The following SLC1A1 variants were observed in gnomAD, a reference collection of about 807,000 sequenced individuals.
SLC1A1 encodes excitatory amino acid transporter 3.
A neutral mutation model predicts 53.3 loss-of-function variants in SLC1A1; 43 were observed. The ratio of observed to expected loss-of-function variants is 0.81; its 90% confidence interval spans 0.63 to 1.04. The LOEUF (loss-of-function observed/expected upper bound fraction) is 1.04, where lower values mean the gene tolerates loss of function less well. SLC1A1 is among the 50% of genes least tolerant of loss of function. The pLI, the probability that SLC1A1 is intolerant of heterozygous loss-of-function variation, is 0.00. For missense variants in SLC1A1, 748 were observed against 664.9 expected, an observed-to-expected ratio of 1.12 and a Z score of -1.37; for synonymous variants, 307 against 243.2, an observed-to-expected ratio of 1.26 and a Z score of -2.44.
rs191020607 is a variant in SLC1A1 at position 4,509,343 on chromosome 9, G to A, written c.91+18573G>A. Among the ~76,000 whole-genome samples, 5 of 152,170 alleles carry A rather than the reference G, an allele frequency of 3.3e-5. No individual in the cohort carries two copies. The East Asian group carries it at 9.7e-4, about 29-fold the overall frequency. On this transcript the variant is annotated intron_variant, in intron 1 of 11. Transcript: ENST00000262352. ...TTCACTGAGCAGAATTGAATCAAGG[G>A]ACTATTTATAGAGTTCAGCAGGGTA...
intron 2 of SLC1A1, among the ~76,000 whole-genome samples, chr9:4,552,064 T>C (rs1817973756): frequency 6.6e-6 from 1 of 152,238 alleles, no homozygotes; most frequent in South Asian, 2.1e-4. Flanking sequence ...TCTTTCTGAC[T>C]AAACAGGTAT....
At position 4,580,651 on chromosome 9, in the gene SLC1A1, G is replaced by GTGTGTGTGTGTGTA. The variant is rs370378540; in HGVS notation, c.1194-2386_1194-2385insGTGTGTGTGTGTAT. 6.6e-3 allele frequency among the ~76,000 whole-genome samples: 782 copies of GTGTGTGTGTGTGTA among 118,778 alleles called. 25 individuals carry two copies. The highest frequency in any genetic ancestry group is 8.4e-3 in the Non-Finnish European group (514 of 61,200). 77.9% of individuals were successfully genotyped at this position (118,778 alleles called of 152,430 possible). ...TGTGTGTGTGTGTGTGTGTGTGTGT[G>GTGTGTGTGTGTGTA]TATAAGGAATAAAGAAGAAAGACAA... On this transcript the variant is annotated intron_variant, in intron 10 of 11. Transcript: ENST00000262352.
chr9:4,497,016 A>G (rs1820451100), intron 1 of SLC1A1, among the ~76,000 whole-genome samples: 1 of 152,198 alleles, frequency 6.6e-6, no homozygotes. Context: ...GGGATTGGCC[A>G]GAGAACGGGA....
chr9:4,514,886 G>A (rs1233896406), intron 1 of SLC1A1, among the ~76,000 whole-genome samples: 1 of 152,098 alleles, frequency 6.6e-6, no homozygotes, highest in Non-Finnish European at 1.5e-5. Context: ...AGTGTCAGAG[G>A]CCATCACTCA....
intron 2 of SLC1A1, among the ~76,000 whole-genome samples, chr9:4,546,716 T>A (rs1817524624): frequency 6.6e-6 from 1 of 152,204 alleles, no homozygotes. Flanking sequence ...AGGCTGGTCT[T>A]GAATTTCTAG....
chr9:4,541,981 G>A (rs1458288058), intron 1 of SLC1A1, among the ~76,000 whole-genome samples: 2 of 152,096 alleles, frequency 1.3e-5, no homozygotes, highest in Non-Finnish European at 2.9e-5. Flanking sequence ...TCCTCATCCC[G>A]AATCTGCTGT....
At chr9:4,530,356 T>C (rs535957068) in intron 1 of SLC1A1, among the ~76,000 whole-genome samples, 1 of 152,316 alleles carries the variant, frequency 6.6e-6, no homozygotes, top group South Asian at 2.1e-4. Flanking sequence ...ACTCAGTATG[T>C]TAATGATGCA....
chr9:4,507,274 A>G (rs1036569817), intron 1 of SLC1A1, among the ~76,000 whole-genome samples: 2 of 151,694 alleles, frequency 1.3e-5, no homozygotes, highest in African/African-American at 4.8e-5. Flanking sequence ...AGTAAACAAA[A>G]TCCTCAAGTG....
rs1818385212 is a variant in SLC1A1 at position 4,556,344 on chromosome 9, C to G, written c.233-5105C>G. Among the ~76,000 whole-genome samples the G allele has an allele frequency of 1.3e-5, 2 of 152,184 alleles. No homozygotes were observed. The highest frequency in any genetic ancestry group is 4.8e-5 in the African/African-American group (2 of 41,440). On this transcript the variant is annotated intron_variant, in intron 2 of 11. Transcript: ENST00000262352. The surrounding 1 kb of genome is among the most constrained non-coding windows in gnomAD (Gnocchi z 4.1). ...CCCTATCTTTTATTATTACATTCAA[C>G]AGAAATAAAGTTACTGTCCAATTAC...
chr9:4,580,594 A>AT (rs113542729), intron 10 of SLC1A1, among the ~76,000 whole-genome samples: 95 of 82,872 alleles, frequency 1.1e-3, no homozygotes, highest in Middle Eastern at 5.4e-3. Context: ...AAAAAAAAAA[A>AT]ATATATATGT....
Position 4,566,617 on chromosome 9 carries a change from G to T in SLC1A1, c.483+528G>T, listed in dbSNP as rs1051739704. 1.1e-4 allele frequency among the ~76,000 whole-genome samples: 16 copies of T among 152,250 alleles called. No homozygotes were observed. In the East Asian group the frequency reaches 2.9e-3, roughly 28 times the overall value. On this transcript the variant is annotated intron_variant, in intron 5 of 11. Coordinates refer to ENST00000262352, the MANE Select transcript of SLC1A1 (RefSeq NM_004170.6). Reference sequence around the variant, plus strand: ...AATCCCAGCACTTTGGGAGGCCAAGGTGGGCAGATCCCTTGAGCTCAGGAG... The same window carrying T: ...AATCCCAGCACTTTGGGAGGCCAAGTTGGGCAGATCCCTTGAGCTCAGGAG...
At chr9:4,567,508 A>G (rs191217919) in intron 5 of SLC1A1, among the ~76,000 whole-genome samples, 161 bp from the exon 6 acceptor site, 75 of 152,320 alleles carry the variant, frequency 4.9e-4, no homozygotes, top group African/African-American at 1.8e-3. Context: ...CCAAAACCTG[A>G]TGGGAGGTAC....
chr9:4,583,849 A>G lies in SLC1A1; in HGVS notation c.1328+677A>G, dbSNP rs982093369. On this transcript the variant is annotated intron_variant, in intron 11 of 11. Coordinates refer to ENST00000262352, the MANE Select transcript of SLC1A1 (RefSeq NM_004170.6). This position sits in a 1 kb window ranked among gnomAD's most constrained non-coding sequence, Gnocchi z 4.6. ...TGGACCATTCAGGCCCCAATCAACA[A>G]CACTTCTCTCTCTCTCTCTCTCTCT... 5.9e-5 allele frequency among the ~76,000 whole-genome samples: 6 copies of G among 102,460 alleles called. No individual in the cohort carries two copies. The highest frequency in any genetic ancestry group is 2.1e-4 in the African/African-American group (6 of 28,760). The allele number at this position is 102,460 out of a possible 152,430, so 67.2% of individuals were successfully genotyped here.
At position 4,561,359 on chromosome 9, in the gene SLC1A1, C is replaced by T; in HGVS notation, c.233-90C>T. ...GTCTGTAGATGAGAACGCCTCTCAG[C>T]TCTTTATTTCACAACCTGAGGATTA... On this transcript the variant is annotated intron_variant, in intron 2 of 11. Transcript: ENST00000262352. 1.3e-5 allele frequency: 11 copies of T among 830,376 alleles called. No individual in the cohort carries two copies. The South Asian group carries it at 1.5e-4, about 11-fold the overall frequency. The allele number at this position is 830,376 out of a possible 1,614,324, so 51.4% of individuals were successfully genotyped here.
chr9:4,584,595 C>T (rs376545664), intron 11 of SLC1A1, among the ~76,000 whole-genome samples: 1 of 152,152 alleles, frequency 6.6e-6, no homozygotes, highest in Non-Finnish European at 1.5e-5. Flanking sequence ...TCACAAGATT[C>T]CCCCTGCATG....
intron 2 of SLC1A1, among the ~76,000 whole-genome samples, chr9:4,550,165 T>C (rs374245191): frequency 6.6e-6 from 1 of 152,202 alleles, no homozygotes; most frequent in Non-Finnish European, 1.5e-5. Context: ...AATATTTGCG[T>C]TTTGTTTATC....
chr9:4,539,177 C>A (rs555711263), intron 1 of SLC1A1, among the ~76,000 whole-genome samples: 1 of 152,210 alleles, frequency 6.6e-6, no homozygotes, highest in Admixed American at 6.5e-5. Flanking sequence ...TTTCATAAAT[C>A]TTAGTCAAAT....
At chr9:4,510,849 C>A (rs1820976813) in intron 1 of SLC1A1, among the ~76,000 whole-genome samples, 1 of 152,194 alleles carries the variant, frequency 6.6e-6, no homozygotes, top group African/African-American at 2.4e-5. Context: ...CCTCCCTCAT[C>A]CTACCATGTT....
At chr9:4,538,294 A>T (rs539977939) in intron 1 of SLC1A1, among the ~76,000 whole-genome samples, 1 of 152,360 alleles carries the variant, frequency 6.6e-6, no homozygotes, top group East Asian at 1.9e-4. Context: ...AGGCGTGACA[A>T]CTTGAAGCAG....
Sources: allele counts gnomAD v4.1 joint callset (sites outside exome capture counted in the v4.1 genomes callset), GRCh38; gene constraint gnomAD v4.1.1; non-coding constraint Gnocchi (gnomAD v3.1); transcripts MANE v1.5; gene names NCBI Gene and HGNC (gene_info 2026-07-23, HGNC 2026-07-21).